Variants in PALLD observed in about 807,000 individuals in gnomAD.
The protein encoded by PALLD is palladin.
PALLD carries 61 observed loss-of-function variants against 123.5 expected under a neutral mutation model. The ratio of observed to expected loss-of-function variants is 0.49; its 90% CI spans 0.40 to 0.61. The LOEUF is 0.61. Ranked by LOEUF, PALLD falls within the 20% of genes least tolerant of loss-of-function variation. PALLD has a pLI of 0.00. For synonymous variants in PALLD, 465 were observed against 496.4 expected (o/e 0.94, Z 0.84); for missense variants, 1,273 against 1,377.0 (o/e 0.92, Z 1.20).
rs1754741780 is a variant in PALLD at position 168,894,689 on chromosome 4, C to T, written c.2199+12C>T. On this transcript the variant is annotated intron_variant, in intron 12 of 21. Coordinates refer to ENST00000505667, the MANE Select transcript of PALLD (RefSeq NM_001166108.2). The stretch of plus-strand genomic sequence containing the variant: ...AAACAGCTAATCAGGTACCATGTTG[C>T]TCTGGACTTCTTAGGGTAACATTTA... The T allele has an allele frequency of 1.2e-6, 2 of 1,611,540 alleles. No homozygotes were observed. Among genetic ancestry groups the T allele is most frequent in the South Asian group, 1.1e-5 (1 of 90,640 alleles).
At position 168,926,247 on chromosome 4, in the gene PALLD, A is replaced by G. The variant is rs1424841441; in HGVS notation, c.*67A>G. 3.9e-6 allele frequency: 6 copies of G among 1,532,752 alleles called. No individual in the cohort carries two copies. The highest frequency in any genetic ancestry group is 5.2e-6 in the Non-Finnish European group (6 of 1,144,358). The allele number at this position is 1,532,752 out of a possible 1,614,324, so 94.9% of individuals were successfully genotyped here. On this transcript the variant is annotated 3_prime_UTR_variant, in exon 22 of 22. Coordinates refer to ENST00000505667, the MANE Select transcript of PALLD (RefSeq NM_001166108.2). ...ATCAGCAGTCACAGAGCACCAAGCC[A>G]AAAAAAGTACGGCCCTCAGCCAGTC...
intron 13 of PALLD, among the ~76,000 whole-genome samples, chr4:168,896,893 G>A (rs545299796): frequency 6.6e-6 from 1 of 152,150 alleles, no homozygotes; most frequent in African/African-American, 2.4e-5. Flanking sequence ...GTGCAATGGT[G>A]TGATCTTGGC....
intron 10 of PALLD, among the ~76,000 whole-genome samples, chr4:168,858,293 A>G (rs1748907256): frequency 6.6e-6 from 1 of 152,206 alleles, no homozygotes; most frequent in East Asian, 1.9e-4. Context: ...ATACACTCAT[A>G]AATGGGCTGG....
intron 4 of PALLD, 149 bp downstream of exon 4, chr4:168,681,547 T>C (rs1311444570): frequency 1.8e-5 from 10 of 548,094 alleles, no homozygotes; most frequent in Non-Finnish European, 3.2e-5. Flanking sequence ...ACAATTTTTT[T>C]TTTTTTTTTT....
At chr4:168,894,853 G>T in intron 12 of PALLD, 176 bp downstream of exon 12, 1 of 953,780 alleles carries the variant, frequency 1.0e-6, no homozygotes, top group Non-Finnish European at 1.5e-6. Context: ...CACATACTAT[G>T]TTAAGTGACT....
At chr4:168,807,022 C>T (rs1468945007) in intron 10 of PALLD, among the ~76,000 whole-genome samples, 2 of 152,204 alleles carry the variant, frequency 1.3e-5, no homozygotes, top group South Asian at 2.1e-4. Context: ...ACCCGAGATG[C>T]GGACTCCACG....
intron 10 of PALLD, among the ~76,000 whole-genome samples, chr4:168,750,984 A>ATATG (rs1581267824): frequency 6.7e-6 from 1 of 148,448 alleles, no homozygotes; most frequent in African/African-American, 2.5e-5. Context: ...TATTTTATAT[A>ATATG]TGTGTGTGTG....
chr4:168,688,994 A>C (rs1024381153), intron 6 of PALLD, among the ~76,000 whole-genome samples: 6 of 152,234 alleles, frequency 3.9e-5, no homozygotes, highest in African/African-American at 1.4e-4. Flanking sequence ...CTATGGACCC[A>C]GTCACAAAGG....
chr4:168,590,699 T>C (rs1299240191), intron 2 of PALLD, among the ~76,000 whole-genome samples: 1 of 152,064 alleles, frequency 6.6e-6, no homozygotes, highest in East Asian at 1.9e-4. Context: ...TGGCTGGGCT[T>C]CTAGGAGATG....
intron 10 of PALLD, among the ~76,000 whole-genome samples, chr4:168,748,938 T>C (rs1235063243): frequency 1.3e-5 from 2 of 152,190 alleles, no homozygotes; most frequent in Non-Finnish European, 2.9e-5. Context: ...AACATAATCA[T>C]GGGAGTGACC....
chr4:168,841,607 C>A (rs1339275537), intron 10 of PALLD, among the ~76,000 whole-genome samples: 1 of 152,142 alleles, frequency 6.6e-6, no homozygotes, highest in African/African-American at 2.4e-5. Flanking sequence ...TCATTGTGTT[C>A]TAGGTACCAC....
At chr4:168,914,177 C>A in intron 16 of PALLD, 156 bp downstream of exon 16, 1 of 650,026 alleles carries the variant, frequency 1.5e-6, no homozygotes. Flanking sequence ...GATTATTATG[C>A]TCCCTTGTGA....
chr4:168,645,096 T>C (rs969043452), intron 2 of PALLD, among the ~76,000 whole-genome samples: 4 of 107,968 alleles, frequency 3.7e-5, no homozygotes, highest in Non-Finnish European at 7.3e-5. Context: ...CGACACAGTC[T>C]CAAAAAAAAA....
At chr4:168,643,205 A>G (rs1406468423) in intron 2 of PALLD, among the ~76,000 whole-genome samples, 1 of 152,230 alleles carries the variant, frequency 6.6e-6, no homozygotes, top group African/African-American at 2.4e-5. Flanking sequence ...ACTGAAAGGG[A>G]AAAGCAGTCT....
At chr4:168,871,958 G>C (rs1179238385) in intron 10 of PALLD, among the ~76,000 whole-genome samples, 1 of 152,136 alleles carries the variant, frequency 6.6e-6, no homozygotes, top group African/African-American at 2.4e-5. Flanking sequence ...GATCTCCACA[G>C]ACCTCCTAGA....
intron 10 of PALLD, among the ~76,000 whole-genome samples, chr4:168,806,048 C>G (rs553038738): frequency 6.6e-6 from 1 of 152,152 alleles, no homozygotes; most frequent in African/African-American, 2.4e-5. Flanking sequence ...CTCACAAGAT[C>G]TAGTTGTGTA....
chr4:168,843,972 A>G lies in PALLD; in HGVS notation c.1965-46950A>G, dbSNP rs547612584. The G allele has an allele frequency of 2.0e-5, 3 of 152,328 alleles. No individual in the cohort carries two copies. In the South Asian group the frequency reaches 6.2e-4, roughly 32 times the overall value. 9.4% of individuals were successfully genotyped at this position (152,328 alleles called of 1,614,324 possible). On this transcript the variant is annotated intron_variant, in intron 10 of 21. Transcript: ENST00000505667. ...CAGCTTTATAGCATATCTACTAAGA[A>G]CTTTAGTGAAAGTGAAAAGGAGTCG...
chr4:168,928,238 C>G lies in PALLD; in HGVS notation c.*2058C>G, dbSNP rs1071738. 0.55 allele frequency: 101,558 copies of G among 183,792 alleles called. 32,168 individuals are homozygous for G. Among genetic ancestry groups the G allele is most frequent in the East Asian group, 0.88 (9,894 of 11,254 alleles). The allele number at this position is 183,792 out of a possible 1,614,324, so 11.4% of individuals were successfully genotyped here. A position where few individuals can be genotyped will look rare whatever the true frequency, so the allele number is the denominator to read the frequency against. On this transcript the variant is annotated 3_prime_UTR_variant, in exon 22 of 22. Coordinates refer to ENST00000505667, the MANE Select transcript of PALLD (RefSeq NM_001166108.2). ...AGAATTATGACTTATGTCTTACTTG[C>G]CAAATTTTTCTGAATGTGACCTTTT...
chr4:168,903,631 T>C, intron 14 of PALLD, 126 bp from the exon 15 acceptor site: 1 of 761,356 alleles, frequency 1.3e-6, no homozygotes, highest in Non-Finnish European at 2.3e-6. Flanking sequence ...AGTCAGGTAT[T>C]TGGTTTAACA....
Sources: gnomAD v4.1 joint callset for allele counts (sites outside exome capture counted in the v4.1 genomes callset) on GRCh38, gnomAD v4.1.1 for gene constraint, MANE v1.5 for transcripts, NCBI Gene and HGNC (gene_info 2026-07-23, HGNC 2026-07-21) for gene names.